The following KCNU1 variants were observed in gnomAD, a reference collection of about 807,000 sequenced individuals.
KCNU1 encodes potassium calcium-activated channel subfamily U member 1.
A neutral mutation model predicts 126.8 loss-of-function variants in KCNU1; 93 were observed. The observed-to-expected ratio is 0.73, with a 90% CI of 0.62 to 0.87. The LOEUF is 0.87. KCNU1 is among the 40% of genes least tolerant of loss of function. The probability of loss-of-function intolerance (pLI) is 0.00; values close to 1 mark genes in which losing one functional copy is unlikely to be tolerated. For synonymous variants in KCNU1, 523 were observed against 494.2 expected, an observed-to-expected ratio of 1.06 and a Z score of -0.77; for missense variants, 1,330 against 1,367.1, an observed-to-expected ratio of 0.97 and a Z score of 0.43.
chr8:36,908,601 G>A (rs1438373705), intron 20 of KCNU1, among the ~76,000 whole-genome samples: 3 of 142,190 alleles, frequency 2.1e-5, no homozygotes, highest in African/African-American at 7.9e-5. Flanking sequence ...ATCAAACACC[G>A]CATATTCTCA....
chr8:36,850,489 C>A (rs1805303224), intron 18 of KCNU1, among the ~76,000 whole-genome samples: 1 of 150,280 alleles, frequency 6.7e-6, no homozygotes, highest in South Asian at 2.1e-4. Context: ...CAGGGTCTCA[C>A]TCCATCACCC....
At chr8:36,861,604 A>C (rs748685687) in intron 18 of KCNU1, among the ~76,000 whole-genome samples, 3 of 152,156 alleles carry the variant, frequency 2.0e-5, no homozygotes, top group Non-Finnish European at 4.4e-5. Context: ...TATCTAGAAT[A>C]TGTAATATCA....
Position 36,909,464 on chromosome 8 carries a change from A to G in KCNU1, c.2260A>G (p.Ile754Val), listed in dbSNP as rs781167396. The G allele has an allele frequency of 1.2e-6, 2 of 1,613,520 alleles. No homozygotes were observed. The highest frequency in any genetic ancestry group is 2.7e-5 in the African/African-American group (2 of 74,910). Reference sequence around the variant, plus strand: ...GAAGGAGCTGAAGGACATAGTGTTCATTGGGTCTCTGGACTATCTACAGAG... The same window carrying G: ...GAAGGAGCTGAAGGACATAGTGTTCGTTGGGTCTCTGGACTATCTACAGAG... ...TRKELKDIVF[I>V]GSLDYLQREW... The change falls in exon 21 of 27, where the codon ATT (isoleucine) becomes GTT (valine). Residue 754 changes from isoleucine (I) to valine (V), a missense_variant. By Grantham distance (29) the Ile-to-Val change is conservative. Around this residue, in one of 3 missense-constraint regions of KCNU1, gnomAD observed 1,054 missense variants for 1,053.9 expected, o/e 1.00. Transcript: ENST00000399881.
intron 24 of KCNU1, chr8:36,922,887 G>A (rs1188556672): frequency 3.5e-6 from 2 of 570,110 alleles, no homozygotes; most frequent in East Asian, 3.8e-5. Flanking sequence ...GTGAGTGTCG[G>A]CCTCTCAGCT....
At chr8:36,901,783 C>G (rs1320689589) in intron 19 of KCNU1, among the ~76,000 whole-genome samples, 1 of 152,030 alleles carries the variant, frequency 6.6e-6, no homozygotes, top group Non-Finnish European at 1.5e-5. Context: ...CACTATTATC[C>G]CAAACACATC....
Position 36,848,848 on chromosome 8 carries a change from C to A in KCNU1, c.1891+2949C>A, listed in dbSNP as rs144228127. On this transcript the variant is annotated intron_variant, in intron 18 of 26. Coordinates refer to ENST00000399881, the MANE Select transcript of KCNU1 (RefSeq NM_001031836.3). ...ATATCACATTTTCCTGGCCTAGTCACCCCTTATCAACCTGAAGCACTGTAT... is the reference window on the plus strand; with the variant it reads ...ATATCACATTTTCCTGGCCTAGTCAACCCTTATCAACCTGAAGCACTGTAT... Among the ~76,000 whole-genome samples, 13 of 152,194 alleles carry A rather than the reference C, an allele frequency of 8.5e-5. No individual in the cohort carries two copies. The East Asian group carries it at 1.9e-3, about 23-fold the overall frequency.
At chr8:36,834,147 C>A (rs1804662318) in intron 11 of KCNU1, among the ~76,000 whole-genome samples, 1 of 152,088 alleles carries the variant, frequency 6.6e-6, no homozygotes, top group Non-Finnish European at 1.5e-5. Context: ...CAACAGCCAA[C>A]CCTCTAGACA....
At chr8:36,809,694 C>T (rs1240056531) in intron 7 of KCNU1, among the ~76,000 whole-genome samples, 6 of 152,116 alleles carry the variant, frequency 3.9e-5, no homozygotes, top group African/African-American at 1.4e-4. Flanking sequence ...ACCTTAGAGT[C>T]CTGGGCCCAC....
At chr8:36,891,058 G>A (rs1293447906) in intron 19 of KCNU1, among the ~76,000 whole-genome samples, 1 of 151,604 alleles carries the variant, frequency 6.6e-6, no homozygotes, top group Non-Finnish European at 1.5e-5. Flanking sequence ...GAATAATGAA[G>A]CATTTAAGTC....
At chr8:36,932,064 A>G (rs973692460) in intron 25 of KCNU1, among the ~76,000 whole-genome samples, 3 of 152,112 alleles carry the variant, frequency 2.0e-5, no homozygotes, top group Non-Finnish European at 4.4e-5. Flanking sequence ...GGACATTAGC[A>G]AAACCCCCAG....
At chr8:36,871,566 C>A (rs1028309818) in intron 19 of KCNU1, among the ~76,000 whole-genome samples, 2 of 152,158 alleles carry the variant, frequency 1.3e-5, no homozygotes. Flanking sequence ...ATAGAAAAGT[C>A]AGCATCTCTC....
chr8:36,902,881 G>A (rs1454280284), intron 19 of KCNU1, among the ~76,000 whole-genome samples: 1 of 152,088 alleles, frequency 6.6e-6, no homozygotes, highest in East Asian at 1.9e-4. Context: ...AGATATTTAA[G>A]TTGCCAAAAG....
At chr8:36,803,993 G>A (rs765707907) in intron 2 of KCNU1, 34 bp from the exon 3 acceptor site, 2 of 1,411,982 alleles carry the variant, frequency 1.4e-6, no homozygotes, top group East Asian at 2.5e-5. Context: ...AAATGAAGTG[G>A]ATTTAGACAT....
chr8:36,798,544 G>A (rs941373517), intron 2 of KCNU1, among the ~76,000 whole-genome samples: 3 of 152,108 alleles, frequency 2.0e-5, no homozygotes, highest in African/African-American at 7.2e-5. Flanking sequence ...ACATTTTAAA[G>A]ATCTGAATAG....
intron 6 of KCNU1, 103 bp from the exon 7 acceptor site, chr8:36,808,615 G>A: frequency 2.8e-6 from 2 of 723,384 alleles, no homozygotes; most frequent in Admixed American, 2.3e-5. Context: ...CGTTCCTTCT[G>A]GTCCATGAGC....
chr8:36,925,072 G>A (rs1808489791), intron 24 of KCNU1, among the ~76,000 whole-genome samples: 1 of 152,110 alleles, frequency 6.6e-6, no homozygotes, highest in Non-Finnish European at 1.5e-5. Flanking sequence ...ATTGGCCTTG[G>A]GTGGTCTAAA....
intron 10 of KCNU1, among the ~76,000 whole-genome samples, chr8:36,826,659 G>A (rs1405978667): frequency 6.6e-6 from 1 of 151,908 alleles, no homozygotes; most frequent in East Asian, 1.9e-4. Flanking sequence ...CATCCATTAA[G>A]TTTTCAGTTT....
At chr8:36,912,763 A>G (rs1201217570) in intron 22 of KCNU1, among the ~76,000 whole-genome samples, 1 of 152,076 alleles carries the variant, frequency 6.6e-6, no homozygotes, top group Non-Finnish European at 1.5e-5. Flanking sequence ...CAAGGTCAGG[A>G]GATTGAGATC....
intron 2 of KCNU1, among the ~76,000 whole-genome samples, chr8:36,790,723 A>T (rs1389175538): frequency 6.6e-6 from 1 of 152,068 alleles, no homozygotes; most frequent in Non-Finnish European, 1.5e-5. Flanking sequence ...TGCCCCTTCG[A>T]TGAGAGACTT....
Sources: gnomAD v4.1 joint callset for allele counts (sites outside exome capture counted in the v4.1 genomes callset) on GRCh38, gnomAD v4.1.1 for gene constraint, gnomAD v4.1.1 regional missense constraint, MANE v1.5 for transcripts, NCBI Gene and HGNC (gene_info 2026-07-23, HGNC 2026-07-21) for gene names.